The following PRKN variants were observed in gnomAD, a reference collection of about 807,000 sequenced individuals.
The protein encoded by PRKN is E3 ubiquitin-protein ligase parkin.
A neutral mutation model predicts 59.5 loss-of-function variants in PRKN; 56 were observed. The observed-to-expected ratio is 0.94, with a 90% confidence interval of 0.76 to 1.18. The LOEUF is 1.18. Ranked by LOEUF, PRKN falls within the 50% of genes most tolerant of loss-of-function variation. PRKN has a pLI of 0.00. For synonymous variants in PRKN, 250 were observed against 222.1 expected (o/e 1.13, Z -1.12); for missense variants, 657 against 596.4 (o/e 1.10, Z -1.06).
intron 5 of PRKN, among the ~76,000 whole-genome samples, chr6:161,986,354 G>A (rs1781435444): frequency 6.6e-6 from 1 of 152,130 alleles, no homozygotes; most frequent in South Asian, 2.1e-4. Flanking sequence ...GCTTGTTCTT[G>A]AATTCTTTCC....
intron 1 of PRKN, among the ~76,000 whole-genome samples, chr6:162,644,369 T>A (rs948066344): frequency 6.6e-6 from 1 of 152,118 alleles, no homozygotes; most frequent in Non-Finnish European, 1.5e-5. Flanking sequence ...GGTTAACATG[T>A]ACTTGCAGGA....
chr6:161,384,732 A>C (rs1786151430), intron 10 of PRKN, among the ~76,000 whole-genome samples: 1 of 152,024 alleles, frequency 6.6e-6, no homozygotes, highest in African/African-American at 2.4e-5. Flanking sequence ...AATGTCCTTT[A>C]CCACACCATC....
intron 4 of PRKN, among the ~76,000 whole-genome samples, chr6:162,071,021 T>C (rs9458447): frequency 0.83 from 125,656 of 151,962 alleles, 52,114 homozygotes; most frequent in Admixed American, 0.88. Flanking sequence ...ATTTCTAACA[T>C]GTTCTATTAG....
intron 1 of PRKN, among the ~76,000 whole-genome samples, chr6:162,606,225 A>G (rs1781907536): frequency 6.6e-6 from 1 of 152,242 alleles, no homozygotes. Context: ...AATAAACCCA[A>G]TAAACAAATT....
intron 1 of PRKN, among the ~76,000 whole-genome samples, chr6:162,529,244 T>C (rs922662110): frequency 1.3e-5 from 2 of 148,238 alleles, no homozygotes; most frequent in Admixed American, 6.8e-5. Flanking sequence ...AAAAAATTAG[T>C]AGTTGGGAAT....
At chr6:161,695,458 C>T (rs1785980016) in intron 7 of PRKN, among the ~76,000 whole-genome samples, 2 of 152,184 alleles carry the variant, frequency 1.3e-5, no homozygotes, top group Non-Finnish European at 1.5e-5. Context: ...CTATTGGGCA[C>T]TCAGTGTCTT....
At chr6:162,722,734 A>G (rs903534766) in intron 1 of PRKN, among the ~76,000 whole-genome samples, 2 of 152,170 alleles carry the variant, frequency 1.3e-5, no homozygotes, top group African/African-American at 4.8e-5. Context: ...GGATTTACAT[A>G]TCTTAATACA....
At chr6:161,711,114 C>T (rs911716078) in intron 7 of PRKN, among the ~76,000 whole-genome samples, 2 of 151,718 alleles carry the variant, frequency 1.3e-5, no homozygotes, top group African/African-American at 4.8e-5. Context: ...AAAATAGGCA[C>T]AAGGAGAGGG....
Position 161,592,763 on chromosome 6 carries a change from C to T in PRKN, c.872-23347G>A, listed in dbSNP as rs1042418401. ...ACAGCCAGGACCAGCACTAGGAGGA[C>T]GAGGGAACACAAGCAGAGCAGACAG... On this transcript the variant is annotated intron_variant, in intron 7 of 11. Transcript: ENST00000366898. This position sits in a 1 kb window ranked among gnomAD's most constrained non-coding sequence, Gnocchi z 4.8. Among the ~76,000 whole-genome samples, 11 of 152,000 alleles carry T rather than the reference C, an allele frequency of 7.2e-5. No individual in the cohort carries two copies. In the East Asian group the frequency reaches 1.2e-3, roughly 16 times the overall value.
chr6:161,556,311 C>T (rs1212275236), intron 8 of PRKN, among the ~76,000 whole-genome samples: 4 of 152,108 alleles, frequency 2.6e-5, no homozygotes, highest in Non-Finnish European at 4.4e-5. Context: ...AAAGTACACA[C>T]AATACCTGAA....
In PRKN at chr6:161,566,952, C is replaced by G. The variant is rs552022828; in HGVS notation, c.933+2403G>C. Among the ~76,000 whole-genome samples, 26 of 152,024 alleles carry G rather than the reference C, an allele frequency of 1.7e-4. No homozygotes were observed. The highest frequency in any genetic ancestry group is 3.5e-4 in the Non-Finnish European group (24 of 67,998). On this transcript the variant is annotated intron_variant, in intron 8 of 11. Coordinates refer to ENST00000366898, the MANE Select transcript of PRKN (RefSeq NM_004562.3). The surrounding 1 kb of genome is among the most constrained non-coding windows in gnomAD (Gnocchi z 4.1). ...CTTTCAGTCTTTATTCACCTGTCACCTGCTCAGTGAAACTTTCCCTGACCA... is the reference window on the plus strand; with the variant it reads ...CTTTCAGTCTTTATTCACCTGTCACGTGCTCAGTGAAACTTTCCCTGACCA...
intron 1 of PRKN, among the ~76,000 whole-genome samples, chr6:162,525,582 A>G (rs1291499964): frequency 6.6e-6 from 1 of 152,176 alleles, no homozygotes; most frequent in African/African-American, 2.4e-5. Context: ...ATTTCTCCTT[A>G]GCACTTATGG....
In PRKN at chr6:161,914,906, T is replaced by A. The variant is rs548696636; in HGVS notation, c.734+58396A>T. ...AGTTTCTAAGAAGTGCTTAAGGAAC[T>A]CTAGGCATTCCTAGACAGCCCAGGC... On this transcript the variant is annotated intron_variant, in intron 6 of 11. Transcript: ENST00000366898. Among the ~76,000 whole-genome samples, 148 of 152,252 alleles carry A rather than the reference T, an allele frequency of 9.7e-4. 2 individuals are homozygous for A. The highest frequency in any genetic ancestry group is 3.5e-3 in the African/African-American group (146 of 41,562).
chr6:162,485,478 G>A (rs1386884037), intron 1 of PRKN, among the ~76,000 whole-genome samples: 5 of 152,300 alleles, frequency 3.3e-5, no homozygotes, highest in African/African-American at 7.2e-5. Context: ...GTCAGAAGTA[G>A]ACTTAAATGT....
chr6:161,641,240 T>C (rs1425638531), intron 7 of PRKN, among the ~76,000 whole-genome samples: 3 of 152,224 alleles, frequency 2.0e-5, no homozygotes, highest in Non-Finnish European at 4.4e-5. Context: ...GAAATGATGG[T>C]TTAGGAGTCA....
At chr6:161,752,468 C>T (rs555078214) in intron 7 of PRKN, among the ~76,000 whole-genome samples, 2 of 152,144 alleles carry the variant, frequency 1.3e-5, no homozygotes, top group Non-Finnish European at 2.9e-5. Context: ...CTGAGGCTGG[C>T]TAATGACCTG....
chr6:162,130,689 T>C (rs1455832582), intron 4 of PRKN, among the ~76,000 whole-genome samples: 2 of 152,312 alleles, frequency 1.3e-5, no homozygotes, highest in African/African-American at 4.8e-5. Context: ...GGAAGCTATG[T>C]ATGATACATA....
At chr6:162,635,522 T>C (rs557499550) in intron 1 of PRKN, among the ~76,000 whole-genome samples, 122 of 152,250 alleles carry the variant, frequency 8.0e-4, no homozygotes, top group Non-Finnish European at 1.4e-3. Context: ...ATTCAAATAT[T>C]CTCCAAGAGT....
chr6:161,437,039 T>A (rs1788944649), intron 9 of PRKN, among the ~76,000 whole-genome samples: 1 of 152,140 alleles, frequency 6.6e-6, no homozygotes, highest in African/African-American at 2.4e-5. Flanking sequence ...CAGTGTATGC[T>A]GAAATCACGG....
Sources: gnomAD v4.1 joint callset for allele counts (sites outside exome capture counted in the v4.1 genomes callset) on GRCh38, gnomAD v4.1.1 for gene constraint, Gnocchi (gnomAD v3.1) non-coding constraint, MANE v1.5 for transcripts, NCBI Gene and HGNC (gene_info 2026-07-23, HGNC 2026-07-21) for gene names.